Variants in PPP2R5C observed in about 807,000 individuals in gnomAD.
The protein encoded by PPP2R5C is serine/threonine-protein phosphatase 2A 56 kDa regulatory subunit gamma isoform.
PPP2R5C carries 7 observed loss-of-function variants against 68.9 expected under a neutral mutation model. That is an observed-to-expected ratio of 0.10 (90% CI 0.06 to 0.19). The LOEUF (loss-of-function observed/expected upper bound fraction) is 0.19, where lower values mean the gene tolerates loss of function less well. Ranked by LOEUF, PPP2R5C falls within the 10% of genes least tolerant of loss-of-function variation. PPP2R5C has a pLI of 1.00. For synonymous variants in PPP2R5C, 210 were observed against 222.2 expected (o/e 0.95, Z 0.49); for missense variants, 348 against 641.3 (o/e 0.54, Z 4.94).
chr14:101,835,674 A>T lies in PPP2R5C; in HGVS notation c.95-21012A>T, dbSNP rs980918671. 1.3e-5 allele frequency among the ~76,000 whole-genome samples: 2 copies of T among 152,244 alleles called. No individual in the cohort carries two copies. Among genetic ancestry groups the T allele is most frequent in the African/African-American group, 4.8e-5 (2 of 41,472 alleles). ...CTCCCGGGGGACAGACACAGTCTTC[A>T]TCTTGAGCAGGAACGGTGAGACCAC... On this transcript the variant is annotated intron_variant, in intron 1 of 13. Coordinates refer to ENST00000334743, the Ensembl canonical transcript of PPP2R5C. This position sits in a 1 kb window ranked among gnomAD's most constrained non-coding sequence, Gnocchi z 5.0.
chr14:101,927,630 T>C (rs2141239491), exon 14 of PPP2R5C: 2 of 152,740 alleles, frequency 1.3e-5, no homozygotes, highest in Middle Eastern at 6.8e-3. Flanking sequence ...CCTTTTAATA[T>C]TGTACATACA....
upstream of PPP2R5C, among the ~76,000 whole-genome samples, chr14:101,808,654 G>A (rs1484661957): frequency 6.6e-6 from 1 of 152,194 alleles, no homozygotes; most frequent in Non-Finnish European, 1.5e-5. Context: ...TTACTCTACT[G>A]TGAATTATGT....
intron 2 of PPP2R5C, among the ~76,000 whole-genome samples, chr14:101,861,419 T>A (rs186429811): frequency 6.6e-6 from 1 of 152,196 alleles, no homozygotes; most frequent in African/African-American, 2.4e-5. Flanking sequence ...AAGACTTTAA[T>A]TGACTTTTTC....
chr14:101,851,352 G>A (rs989398199), intron 1 of PPP2R5C, among the ~76,000 whole-genome samples: 2 of 152,138 alleles, frequency 1.3e-5, no homozygotes, highest in Admixed American at 6.5e-5. Context: ...GATGGCTTGA[G>A]CCTGGAAGGT....
intron 1 of PPP2R5C, among the ~76,000 whole-genome samples, chr14:101,846,320 T>C (rs1310661619): frequency 6.6e-6 from 1 of 152,182 alleles, no homozygotes; most frequent in Non-Finnish European, 1.5e-5. Flanking sequence ...GCACTGTTCA[T>C]TGTAGTCCAA....
At chr14:101,816,611 G>C (rs576132893) in intron 1 of PPP2R5C, among the ~76,000 whole-genome samples, 1 of 151,860 alleles carries the variant, frequency 6.6e-6, no homozygotes, top group Non-Finnish European at 1.5e-5. Flanking sequence ...GAACTTTCTA[G>C]GTGTAAAAAG....
At chr14:101,791,744 C>T (rs1309499117) in intron 3 of PPP2R5C, among the ~76,000 whole-genome samples, 2 of 151,752 alleles carry the variant, frequency 1.3e-5, no homozygotes, top group Non-Finnish European at 2.9e-5. Context: ...TTGAACATAC[C>T]ATCAAAACTT....
intron 2 of PPP2R5C, among the ~76,000 whole-genome samples, chr14:101,876,846 G>A (rs1217576236): frequency 2.6e-5 from 4 of 151,342 alleles, no homozygotes; most frequent in African/African-American, 4.9e-5. Flanking sequence ...CTAACTGTTC[G>A]TGCATAATGT....
At chr14:101,920,868 C>T (rs1463363841) in intron 13 of PPP2R5C, among the ~76,000 whole-genome samples, 3 of 151,914 alleles carry the variant, frequency 2.0e-5, no homozygotes, top group East Asian at 1.9e-4. Flanking sequence ...TGGGCTCAGG[C>T]GATCCTTCTA....
intron 10 of PPP2R5C, among the ~76,000 whole-genome samples, chr14:101,907,002 C>T (rs2046066835): frequency 6.6e-6 from 1 of 152,134 alleles, no homozygotes; most frequent in Admixed American, 6.5e-5. Flanking sequence ...TGAACACAGC[C>T]CCATAGTCCC....
At chr14:101,787,787 A>AT (rs1462456263) in intron 3 of PPP2R5C, among the ~76,000 whole-genome samples, 2 of 150,090 alleles carry the variant, frequency 1.3e-5, no homozygotes, top group Non-Finnish European at 3.0e-5. Flanking sequence ...AAAAAAAAAA[A>AT]TCCAGGTTCT....
upstream of PPP2R5C, among the ~76,000 whole-genome samples, chr14:101,808,131 A>G (rs967276967): frequency 1.3e-5 from 2 of 151,050 alleles, no homozygotes; most frequent in Non-Finnish European, 2.9e-5. Context: ...TGGGGCAGTG[A>G]GAGTCATCAA....
At chr14:101,845,330 G>A (rs934934065) in intron 1 of PPP2R5C, among the ~76,000 whole-genome samples, 4 of 152,256 alleles carry the variant, frequency 2.6e-5, no homozygotes, top group South Asian at 4.1e-4. Flanking sequence ...TGAACCGGGA[G>A]TCAGTTTGTT....
intron 1 of PPP2R5C, among the ~76,000 whole-genome samples, chr14:101,842,235 C>T (rs1017474803): frequency 2.6e-5 from 4 of 152,128 alleles, no homozygotes; most frequent in African/African-American, 4.8e-5. Context: ...CTTGAATAAC[C>T]GGCCAGCCAT....
intron 8 of PPP2R5C, among the ~76,000 whole-genome samples, chr14:101,898,581 G>C (rs1677998): frequency 3.3e-5 from 5 of 152,262 alleles, no homozygotes; most frequent in African/African-American, 7.2e-5. Context: ...AAGAGACCCC[G>C]TGCCGGCTTC....
chr14:101,843,734 A>T (rs2041641853), intron 1 of PPP2R5C: 1 of 181,992 alleles, frequency 5.5e-6, no homozygotes. Context: ...CATCATCATC[A>T]TCTTCAGCAA....
intron 2 of PPP2R5C, among the ~76,000 whole-genome samples, chr14:101,763,444 G>A (rs2036667459): frequency 2.0e-5 from 3 of 151,286 alleles, no homozygotes; most frequent in Admixed American, 6.6e-5. Flanking sequence ...GTGCAGTGGC[G>A]CGATCTTGGC....
At chr14:101,893,138 G>A in intron 7 of PPP2R5C, 30 bp downstream of exon 9, 1 of 1,458,428 alleles carries the variant, frequency 6.9e-7, no homozygotes, top group Non-Finnish European at 9.6e-7. Context: ...TAGGAACACA[G>A]CTGTTGGCAT....
At chr14:101,854,530 G>A (rs1369495495) in intron 1 of PPP2R5C, among the ~76,000 whole-genome samples, 1 of 152,196 alleles carries the variant, frequency 6.6e-6, no homozygotes, top group African/African-American at 2.4e-5. Context: ...GAAAGGCCTT[G>A]TAGAAGAAAC....
Sources: allele counts gnomAD v4.1 joint callset (sites outside exome capture counted in the v4.1 genomes callset), GRCh38; gene constraint gnomAD v4.1.1; non-coding constraint Gnocchi (gnomAD v3.1); transcripts MANE v1.5; gene names NCBI Gene and HGNC (gene_info 2026-07-23, HGNC 2026-07-21).